The following ROBO2 variants were observed in gnomAD, a reference collection of about 807,000 sequenced individuals.
ROBO2 encodes roundabout guidance receptor 2.
ROBO2 carries 53 observed loss-of-function variants against 160.8 expected under a neutral mutation model. The observed-to-expected ratio is 0.33, with a 90% CI of 0.26 to 0.41. ROBO2 has a LOEUF of 0.41. Ranked by LOEUF, ROBO2 falls within the 10% of genes least tolerant of loss-of-function variation. ROBO2 has a pLI of 1.00. For missense variants in ROBO2, 1,577 were observed against 1,722.4 expected, an observed-to-expected ratio of 0.92 and a Z score of 1.49; for synonymous variants, 664 against 611.7, an observed-to-expected ratio of 1.09 and a Z score of -1.26.
intron 2 of ROBO2, among the ~76,000 whole-genome samples, chr3:77,025,759 A>G (rs1045340346): frequency 5.3e-5 from 8 of 152,178 alleles, no homozygotes; most frequent in African/African-American, 1.9e-4. Context: ...AAATCCCTGG[A>G]GCACTTACTG....
rs71104641 is a variant in ROBO2, at chr3:76,939,979, A to ATTTTTTTTTTTTTTT, written c.110-158029_110-158015dup. Among the ~76,000 whole-genome samples the ATTTTTTTTTTTTTTT allele has an allele frequency of 4.1e-5, 5 of 120,552 alleles. 1 individual carries two copies. Among genetic ancestry groups the ATTTTTTTTTTTTTTT allele is most frequent in the African/African-American group, 1.0e-4 (3 of 28,612 alleles). 79.1% of individuals were successfully genotyped at this position (120,552 alleles called of 152,430 possible). On this transcript the variant is annotated intron_variant, in intron 2 of 26. Coordinates refer to the ROBO2 transcript ENST00000487694. The stretch of plus-strand genomic sequence containing the variant: ...GGCAGAGGAAGGACAAAGCAACAGG[A>ATTTTTTTTTTTTTTT]TTTTTTTTTTTTTTTTTTTTGAGAC...
chr3:77,464,741 T>C (rs2082596198), intron 2 of ROBO2, among the ~76,000 whole-genome samples: 1 of 152,168 alleles, frequency 6.6e-6, no homozygotes, highest in African/African-American at 2.4e-5. Context: ...CTTGGGATAT[T>C]AGAAGGAAAA....
intron 2 of ROBO2, among the ~76,000 whole-genome samples, chr3:77,025,221 A>C (rs1027900716): frequency 1.3e-5 from 2 of 152,168 alleles, no homozygotes; most frequent in Non-Finnish European, 2.9e-5. Flanking sequence ...TGTCCTTTGC[A>C]TTTGAGCTCT....
intron 2 of ROBO2, among the ~76,000 whole-genome samples, chr3:76,193,293 A>G (rs891952260): frequency 6.6e-6 from 1 of 152,124 alleles, no homozygotes; most frequent in African/African-American, 2.4e-5. Flanking sequence ...CAACCCACAC[A>G]TACAGCTAGC....
At chr3:77,169,553 T>C (rs2079425278) in intron 2 of ROBO2, among the ~76,000 whole-genome samples, 1 of 152,170 alleles carries the variant, frequency 6.6e-6, no homozygotes, top group African/African-American at 2.4e-5. Context: ...AAGTATATAC[T>C]GTTAAAATTT....
At chr3:76,564,667 C>CT (rs1578180578) in intron 2 of ROBO2, among the ~76,000 whole-genome samples, 1 of 152,172 alleles carries the variant, frequency 6.6e-6, no homozygotes, top group African/African-American at 2.4e-5. Flanking sequence ...TGGAAGCTTC[C>CT]TGGCCTGAAA....
At chr3:77,207,479 T>C (rs2083583642) in intron 2 of ROBO2, among the ~76,000 whole-genome samples, 1 of 152,238 alleles carries the variant, frequency 6.6e-6, no homozygotes, top group Non-Finnish European at 1.5e-5. Flanking sequence ...AGGTTTTTGC[T>C]AATGCTTCTA....
intron 2 of ROBO2, among the ~76,000 whole-genome samples, chr3:76,175,878 T>C (rs960538905): frequency 2.0e-5 from 3 of 152,116 alleles, no homozygotes; most frequent in Non-Finnish European, 4.4e-5. Flanking sequence ...CAAGAGAAGT[T>C]CTCTCATCCT....
At chr3:76,412,106 A>G (rs2075517518) in intron 2 of ROBO2, among the ~76,000 whole-genome samples, 1 of 152,156 alleles carries the variant, frequency 6.6e-6, no homozygotes, top group African/African-American at 2.4e-5. Flanking sequence ...GGCGGTGGCA[A>G]GAGAAAAATG....
At position 75,937,568 on chromosome 3, in the gene ROBO2, G is replaced by A. The variant is rs62269818; in HGVS notation, c.75G>A (p.Val25=). ...CGGGACTGTTGATGATGACTGTGGT[G>A]TTTTGGGGTCATCAGGGGAATGGAC... Residue 25 remains valine, a synonymous_variant, in exon 2 of 27, where the codon GTG becomes GTA. Coordinates refer to the ROBO2 transcript ENST00000487694. 36 of 1,567,394 alleles carry A rather than the reference G, an allele frequency of 2.3e-5. No individual in the cohort carries two copies. Among genetic ancestry groups the A allele is most frequent in the Non-Finnish European group, 3.1e-5 (36 of 1,162,152 alleles).
chr3:76,660,812 C>T (rs2091783213), intron 2 of ROBO2, among the ~76,000 whole-genome samples: 1 of 152,062 alleles, frequency 6.6e-6, no homozygotes, highest in Non-Finnish European at 1.5e-5. Flanking sequence ...GACAATTTGG[C>T]ACTCAAAAAG....
chr3:76,034,920 G>T (rs879582560), intron 2 of ROBO2, among the ~76,000 whole-genome samples: 3 of 152,072 alleles, frequency 2.0e-5, no homozygotes, highest in Non-Finnish European at 4.4e-5. Context: ...GCTCTCTGTT[G>T]TATCTTCCTT....
At chr3:76,408,969 T>C (rs1374493857) in intron 2 of ROBO2, among the ~76,000 whole-genome samples, 2 of 148,692 alleles carry the variant, frequency 1.3e-5, no homozygotes, top group Admixed American at 1.3e-4. Flanking sequence ...AAATGAATTA[T>C]AATACACTAG....
chr3:76,530,773 A>T (rs2082182574), intron 2 of ROBO2, among the ~76,000 whole-genome samples: 1 of 152,212 alleles, frequency 6.6e-6, no homozygotes, highest in African/African-American at 2.4e-5. Flanking sequence ...GGGGAATAAA[A>T]TACACAGCCG....
At chr3:76,451,626 T>A (rs2077479325) in intron 2 of ROBO2, among the ~76,000 whole-genome samples, 1 of 152,186 alleles carries the variant, frequency 6.6e-6, no homozygotes, top group Non-Finnish European at 1.5e-5. Flanking sequence ...AGAATTTATA[T>A]TTCCATTAAG....
At chr3:76,691,037 T>C (rs1054461053) in intron 2 of ROBO2, among the ~76,000 whole-genome samples, 2 of 151,914 alleles carry the variant, frequency 1.3e-5, no homozygotes, top group African/African-American at 4.8e-5. Flanking sequence ...CTGGACAACA[T>C]AGCAAAGAGT....
At chr3:77,102,330 T>C (rs1342496836) in intron 2 of ROBO2, among the ~76,000 whole-genome samples, 27 of 152,040 alleles carry the variant, frequency 1.8e-4, no homozygotes, top group Admixed American at 1.8e-3. Context: ...TGCTAGGCAT[T>C]GTAAGATGTT....
At chr3:76,022,994 T>TA (rs1208965517) in intron 2 of ROBO2, among the ~76,000 whole-genome samples, 9 of 151,840 alleles carry the variant, frequency 5.9e-5, no homozygotes, top group African/African-American at 2.2e-4. Flanking sequence ...GATTATGTGC[T>TA]AAAGCTTCTA....
At chr3:76,192,745 A>T (rs1361419640) in intron 2 of ROBO2, among the ~76,000 whole-genome samples, 1 of 152,064 alleles carries the variant, frequency 6.6e-6, no homozygotes, top group Non-Finnish European at 1.5e-5. Flanking sequence ...TCCTGTCACT[A>T]TTCAATCACA....
Sources: allele counts gnomAD v4.1 joint callset (sites outside exome capture counted in the v4.1 genomes callset), GRCh38; gene constraint gnomAD v4.1.1; transcripts MANE v1.5; gene names NCBI Gene and HGNC (gene_info 2026-07-23, HGNC 2026-07-21).